TC2N: variants seen among roughly 807,000 people sequenced by gnomAD.
TC2N encodes the protein tandem C2 domains, nuclear, also known as tandem C2 domains nuclear protein.
Under a neutral mutation model 61.9 loss-of-function variants are expected in TC2N, and 51 were observed. The observed-to-expected ratio is 0.82, with a 90% CI of 0.66 to 1.04. TC2N has a LOEUF of 1.04. Ranked by LOEUF, TC2N falls within the 50% of genes least tolerant of loss-of-function variation. TC2N has a pLI of 0.00. For missense variants in TC2N, 556 were observed against 566.7 expected (o/e 0.98, Z 0.19); for synonymous variants, 204 against 192.6 (o/e 1.06, Z -0.49).
At chr14:91,791,285 A>G (rs1885645070) in intron 9 of TC2N, among the ~76,000 whole-genome samples, 1 of 151,920 alleles carries the variant, frequency 6.6e-6, no homozygotes, top group South Asian at 2.1e-4. Flanking sequence ...AATTTTTTTT[A>G]GTTTATGTAT....
intron 1 of TC2N, among the ~76,000 whole-genome samples, chr14:91,832,013 A>C (rs919233260): frequency 6.6e-6 from 1 of 152,250 alleles, no homozygotes; most frequent in Non-Finnish European, 1.5e-5. Context: ...CAGGCTGCTC[A>C]CTTGGAGAAA....
At chr14:91,832,755 T>C (rs111916045) in intron 1 of TC2N, among the ~76,000 whole-genome samples, 1,649 of 151,894 alleles carry the variant, frequency 0.011, 31 homozygotes, top group African/African-American at 0.036. Flanking sequence ...GAAGGGTCAC[T>C]TAAAAACAGA....
intron 1 of TC2N, among the ~76,000 whole-genome samples, chr14:91,865,659 C>T (rs1190792265): frequency 3.3e-5 from 5 of 151,878 alleles, no homozygotes; most frequent in African/African-American, 7.3e-5. Context: ...ATTAGTGTTT[C>T]CTTTCAAAAT....
intron 8 of TC2N, among the ~76,000 whole-genome samples, chr14:91,795,217 T>C (rs1194180242): frequency 1.3e-5 from 2 of 152,192 alleles, no homozygotes; most frequent in Admixed American, 6.5e-5. Context: ...AATCTACTCC[T>C]GGTGAAGATG....
At chr14:91,789,666 T>C (rs1004829404) in intron 9 of TC2N, among the ~76,000 whole-genome samples, 3 of 151,478 alleles carry the variant, frequency 2.0e-5, no homozygotes, top group African/African-American at 7.3e-5. Flanking sequence ...GGCTTACCAT[T>C]TCCTACTTGC....
At chr14:91,843,614 C>CTT (rs1394989596) in intron 1 of TC2N, among the ~76,000 whole-genome samples, 8 of 152,222 alleles carry the variant, frequency 5.3e-5, no homozygotes, top group African/African-American at 1.7e-4. Context: ...TCATTTGTAA[C>CTT]TTCTGCTTTC....
chr14:91,843,329 T>C (rs1888200200), intron 1 of TC2N, among the ~76,000 whole-genome samples: 1 of 152,028 alleles, frequency 6.6e-6, no homozygotes, highest in South Asian at 2.1e-4. Flanking sequence ...TCTAACCCCA[T>C]CATGACCCCA....
intron 1 of TC2N, among the ~76,000 whole-genome samples, chr14:91,824,639 G>T (rs77066462): frequency 0.031 from 4,772 of 152,262 alleles, 94 homozygotes; most frequent in African/African-American, 0.056. Context: ...GACAAAATAG[G>T]GAACAAGACA....
intron 1 of TC2N, among the ~76,000 whole-genome samples, chr14:91,860,827 T>C (rs375313400): frequency 6.6e-6 from 1 of 152,342 alleles, no homozygotes; most frequent in East Asian, 1.9e-4. Context: ...CATGAAACCC[T>C]CTATGCAGTA....
intron 1 of TC2N, among the ~76,000 whole-genome samples, chr14:91,863,404 A>G (rs1482074180): frequency 2.0e-5 from 3 of 152,326 alleles, no homozygotes; most frequent in Admixed American, 6.5e-5. Flanking sequence ...GACCTCCCCA[A>G]TGGCTTATAA....
intron 1 of TC2N, among the ~76,000 whole-genome samples, chr14:91,841,968 C>T (rs1888171553): frequency 7.4e-6 from 1 of 135,814 alleles, no homozygotes; most frequent in South Asian, 2.4e-4. Context: ...TCCATCCTTC[C>T]CTTCCACCTT....
chr14:91,848,568 A>C (rs939039311), intron 1 of TC2N, among the ~76,000 whole-genome samples: 3 of 152,064 alleles, frequency 2.0e-5, no homozygotes, highest in Non-Finnish European at 2.9e-5. Flanking sequence ...CTTTATTCCA[A>C]TTTCTCTCTG....
In TC2N at chr14:91,782,847, C is replaced by T; in HGVS notation, c.*253G>A. Reference sequence around the variant, plus strand: ...TCACAGACTTTATAATTTATTTAGTCATCCTAATAATACTTTGATTTTACT... The same window carrying T: ...TCACAGACTTTATAATTTATTTAGTTATCCTAATAATACTTTGATTTTACT... On this transcript the variant is annotated 3_prime_UTR_variant, in exon 12 of 12. Transcript: ENST00000435962. The T allele has an allele frequency of 2.7e-6, 1 of 371,292 alleles. No individual in the cohort carries two copies. The highest frequency in any genetic ancestry group is 4.4e-5 in the Admixed American group (1 of 22,490). The allele number at this position is 371,292 out of a possible 1,614,324, so 23.0% of individuals were successfully genotyped here. A position where few individuals can be genotyped will look rare whatever the true frequency, so the allele number is the denominator to read the frequency against.
intron 5 of TC2N, 143 bp downstream of exon 5, chr14:91,800,137 AT>A (rs1425076533): frequency 2.2e-6 from 1 of 453,348 alleles, no homozygotes; most frequent in East Asian, 3.5e-5. Context: ...TACATGGGAA[AT>A]ATCAATTATT....
At chr14:91,808,907 T>A (rs1886640294) in intron 3 of TC2N, among the ~76,000 whole-genome samples, 1 of 152,138 alleles carries the variant, frequency 6.6e-6, no homozygotes, top group Non-Finnish European at 1.5e-5. Flanking sequence ...ATATGAAATG[T>A]TCACAACATA....
At chr14:91,808,056 C>G (rs561829561) in intron 3 of TC2N, among the ~76,000 whole-genome samples, 3 of 152,272 alleles carry the variant, frequency 2.0e-5, no homozygotes, top group South Asian at 2.1e-4. Context: ...GTAAGACATG[C>G]CTTTCACCTT....
At chr14:91,789,409 C>A (rs573531337) in intron 9 of TC2N, among the ~76,000 whole-genome samples, 1 of 149,920 alleles carries the variant, frequency 6.7e-6, no homozygotes, top group Non-Finnish European at 1.5e-5. Context: ...CTGGCTAACA[C>A]GGTGAAACCC....
chr14:91,864,195 T>C (rs770957633), intron 1 of TC2N, among the ~76,000 whole-genome samples: 47 of 152,266 alleles, frequency 3.1e-4, no homozygotes, highest in Non-Finnish European at 5.3e-4. Context: ...AACTCTAACT[T>C]CCCTGGCTAT....
At chr14:91,839,928 C>G (rs1481340629) in intron 1 of TC2N, among the ~76,000 whole-genome samples, 9 of 152,202 alleles carry the variant, frequency 5.9e-5, no homozygotes, top group African/African-American at 2.2e-4. Context: ...AACTGCTTTG[C>G]CTAGCCACTC....
Sources: allele counts gnomAD v4.1 joint callset (sites outside exome capture counted in the v4.1 genomes callset), GRCh38; gene constraint gnomAD v4.1.1; transcripts MANE v1.5; gene names NCBI Gene and HGNC (gene_info 2026-07-23, HGNC 2026-07-21).